The following TRPC4 variants were observed in gnomAD, a reference collection of about 807,000 sequenced individuals.
TRPC4 encodes short transient receptor potential channel 4.
In TRPC4, 49 loss-of-function variants were observed where a neutral mutation model predicts 99.4. The observed-to-expected ratio is 0.49, with a 90% CI of 0.39 to 0.63. The LOEUF is 0.63. Ranked by LOEUF, TRPC4 falls within the 20% of genes least tolerant of loss-of-function variation. The probability of loss-of-function intolerance (pLI) is 0.00; values close to 1 mark genes in which losing one functional copy is unlikely to be tolerated. For synonymous variants in TRPC4, 454 were observed against 425.9 expected (o/e 1.07, Z -0.81); for missense variants, 898 against 1,152.9 (o/e 0.78, Z 3.20).
At chr13:37,838,244 AG>A (rs765253053) in intron 1 of TRPC4, among the ~76,000 whole-genome samples, 12 of 152,228 alleles carry the variant, frequency 7.9e-5, no homozygotes, top group Non-Finnish European at 1.6e-4. Context: ...GATCTGAGCC[AG>A]CTGTTCTTAG....
At chr13:37,763,978 G>A (rs1041907430) in intron 2 of TRPC4, among the ~76,000 whole-genome samples, 5 of 151,694 alleles carry the variant, frequency 3.3e-5, no homozygotes, top group Non-Finnish European at 7.4e-5. Flanking sequence ...TGTAATTCTA[G>A]CATTGTCCAG....
intron 3 of TRPC4, among the ~76,000 whole-genome samples, chr13:37,728,838 C>T (rs541204684): frequency 6.6e-6 from 1 of 152,114 alleles, no homozygotes; most frequent in South Asian, 2.1e-4. Flanking sequence ...CAGACATAAT[C>T]ACCAGTGAAA....
chr13:37,813,009 A>G (rs962761582), intron 1 of TRPC4, among the ~76,000 whole-genome samples: 1 of 152,014 alleles, frequency 6.6e-6, no homozygotes. Flanking sequence ...TTGAAAAAAA[A>G]GTCAATCTAG....
chr13:37,725,694 G>T (rs1955029295), intron 3 of TRPC4, among the ~76,000 whole-genome samples: 1 of 152,064 alleles, frequency 6.6e-6, no homozygotes, highest in Admixed American at 6.6e-5. Flanking sequence ...ATATAGCTTT[G>T]TCCATGTCAA....
chr13:37,653,420 A>C (rs1277592994), intron 7 of TRPC4, among the ~76,000 whole-genome samples: 1 of 152,038 alleles, frequency 6.6e-6, no homozygotes, highest in Non-Finnish European at 1.5e-5. Context: ...GAAGAAAGAA[A>C]GAAAGAAGAA....
At chr13:37,853,288 G>C (rs1287388913) in intron 1 of TRPC4, among the ~76,000 whole-genome samples, 1 of 152,186 alleles carries the variant, frequency 6.6e-6, no homozygotes, top group African/African-American at 2.4e-5. Context: ...ACCTGAAAGT[G>C]AGGTAAATGA....
chr13:37,753,829 G>T (rs992791476), intron 2 of TRPC4, among the ~76,000 whole-genome samples: 1 of 152,108 alleles, frequency 6.6e-6, no homozygotes, highest in Non-Finnish European at 1.5e-5. Flanking sequence ...CACTTTCAGA[G>T]AACCCTTGCA....
chr13:37,749,399 C>T (rs1249119790), intron 2 of TRPC4, among the ~76,000 whole-genome samples: 1 of 152,074 alleles, frequency 6.6e-6, no homozygotes, highest in Non-Finnish European at 1.5e-5. Flanking sequence ...GTTGTCTTTA[C>T]CATTAATTGC....
At chr13:37,710,405 C>T (rs1954441856) in intron 3 of TRPC4, among the ~76,000 whole-genome samples, 1 of 151,802 alleles carries the variant, frequency 6.6e-6, no homozygotes, top group African/African-American at 2.4e-5. Flanking sequence ...TTGGTTGCTA[C>T]TCCTTCCTTT....
intron 3 of TRPC4, among the ~76,000 whole-genome samples, chr13:37,726,013 TGGTGA>T (rs1955043436): frequency 6.6e-6 from 1 of 152,036 alleles, no homozygotes; most frequent in Non-Finnish European, 1.5e-5. Flanking sequence ...ATGGCCAATA[TGGTGA>T]AACCCCTTCT....
chr13:37,693,388 G>C (rs1314967540), intron 3 of TRPC4, among the ~76,000 whole-genome samples: 1 of 152,126 alleles, frequency 6.6e-6, no homozygotes, highest in Non-Finnish European at 1.5e-5. Context: ...ATGCCCTATG[G>C]ACAGTTCTGA....
chr13:37,678,073 T>A (rs1454240703), intron 4 of TRPC4, among the ~76,000 whole-genome samples: 2 of 152,202 alleles, frequency 1.3e-5, no homozygotes, highest in East Asian at 3.9e-4. Context: ...TATTTTGAAA[T>A]GATTGAAAAT....
At position 37,713,509 on chromosome 13, in the gene TRPC4, T is replaced by G. The variant is rs189509858; in HGVS notation, c.898-21174A>C. Among the ~76,000 whole-genome samples, 3 of 152,316 alleles carry G rather than the reference T, an allele frequency of 2.0e-5. No individual in the cohort carries two copies. The East Asian group carries it at 5.8e-4, about 29-fold the overall frequency. On this transcript the variant is annotated intron_variant, in intron 3 of 10. Coordinates refer to ENST00000379705, the MANE Select transcript of TRPC4 (RefSeq NM_016179.4). Reference sequence around the variant, plus strand: ...GATTGTTGTAGACAGTTTCTCATTATCTGAATAACCAACATAGTCCCTTCA... The same window carrying G: ...GATTGTTGTAGACAGTTTCTCATTAGCTGAATAACCAACATAGTCCCTTCA...
chr13:37,645,200 T>C (rs1399046195), intron 8 of TRPC4, among the ~76,000 whole-genome samples: 1 of 151,990 alleles, frequency 6.6e-6, no homozygotes, highest in African/African-American at 2.4e-5. Flanking sequence ...TCCTCCTAAT[T>C]TGTTAGGGCA....
At chr13:37,805,469 A>C (rs1270839317) in intron 1 of TRPC4, among the ~76,000 whole-genome samples, 1 of 151,904 alleles carries the variant, frequency 6.6e-6, no homozygotes, top group Non-Finnish European at 1.5e-5. Context: ...TTTCTTTTCC[A>C]TGATATAAGT....
rs1343976814 is a variant in TRPC4, at chr13:37,632,652, T to C, written c.*4251A>G. ...CCAATCTTAGTTCAACTGTACATTG[T>C]CCATCTCTAATGTTTTTCAGTTGAG... On this transcript the variant is annotated 3_prime_UTR_variant, in exon 11 of 11. Transcript: ENST00000379705. Among the ~76,000 whole-genome samples, 1 of 152,206 alleles carries C rather than the reference T, an allele frequency of 6.6e-6. No individual in the cohort carries two copies. The highest frequency in any genetic ancestry group is 2.4e-5 in the African/African-American group (1 of 41,448).
intron 5 of TRPC4, among the ~76,000 whole-genome samples, chr13:37,669,627 T>C (rs1952768136): frequency 6.6e-6 from 1 of 152,204 alleles, no homozygotes; most frequent in African/African-American, 2.4e-5. Flanking sequence ...TACTGCGTTT[T>C]TATATTAGGT....
intron 3 of TRPC4, among the ~76,000 whole-genome samples, chr13:37,743,561 C>T (rs1955653527): frequency 6.6e-6 from 1 of 152,092 alleles, no homozygotes; most frequent in Non-Finnish European, 1.5e-5. Context: ...CATTGTCTCT[C>T]CTAATAGGCT....
At position 37,632,740 on chromosome 13, in the gene TRPC4, C is replaced by A. The variant is rs1235794591; in HGVS notation, c.*4163G>T. 1.2e-4 allele frequency among the ~76,000 whole-genome samples: 18 copies of A among 152,142 alleles called. No homozygotes were observed. The highest frequency in any genetic ancestry group is 4.4e-5 in the Non-Finnish European group (3 of 68,022). On this transcript the variant is annotated 3_prime_UTR_variant, in exon 11 of 11. Coordinates refer to ENST00000379705, the MANE Select transcript of TRPC4 (RefSeq NM_016179.4). The stretch of plus-strand genomic sequence containing the variant: ...GTATGCATACAGGTTATCATAAAAT[C>A]TACACTTCCAGTGAAAATGAACAGT...
Sources: allele counts gnomAD v4.1 joint callset (sites outside exome capture counted in the v4.1 genomes callset), GRCh38; gene constraint gnomAD v4.1.1; transcripts MANE v1.5; gene names NCBI Gene and HGNC (gene_info 2026-07-23, HGNC 2026-07-21).